Variants in NCAN observed in about 807,000 individuals in gnomAD.
NCAN encodes the protein neurocan, also known as neurocan core protein.
NCAN carries 47 observed loss-of-function variants against 121.8 expected under a neutral mutation model. The ratio of observed to expected loss-of-function variants is 0.39; its 90% CI spans 0.31 to 0.49. The LOEUF (loss-of-function observed/expected upper bound fraction) is 0.49. Ranked by LOEUF, NCAN falls within the 20% of genes least tolerant of loss-of-function variation. The probability of loss-of-function intolerance (pLI) is 0.92; values close to 1 mark genes in which losing one functional copy is unlikely to be tolerated. For missense variants in NCAN, 1,517 were observed against 1,773.4 expected (o/e 0.86, Z 2.60); for synonymous variants, 633 against 702.0 (o/e 0.90, Z 1.55).
At chr19:19,249,654 C>T (rs1203999537) in intron 14 of NCAN, 112 bp from the exon 15 acceptor site, 3 of 1,468,806 alleles carry the variant, frequency 2.0e-6, no homozygotes, top group Non-Finnish European at 2.7e-6. Flanking sequence ...GGGATGAGCC[C>T]TCGCGTCTGG....
intron 13 of NCAN, among the ~76,000 whole-genome samples, chr19:19,247,547 C>T (rs946305057): frequency 3.3e-5 from 5 of 152,040 alleles, no homozygotes; most frequent in South Asian, 2.1e-4. Context: ...GCCACCGCAC[C>T]CGGCCCTTAT....
intron 3 of NCAN, among the ~76,000 whole-genome samples, chr19:19,221,320 A>T (rs1396030580): frequency 6.6e-6 from 1 of 151,900 alleles, no homozygotes; most frequent in Non-Finnish European, 1.5e-5. Flanking sequence ...CGGGTGGATC[A>T]TGAGGTCAGG....
intron 11 of NCAN, among the ~76,000 whole-genome samples, chr19:19,239,311 C>T (rs977378085): frequency 2.6e-5 from 4 of 151,882 alleles, no homozygotes; most frequent in Non-Finnish European, 5.9e-5. Flanking sequence ...CACCTCCAGC[C>T]TACACTGAGG....
chr19:19,231,566 G>C (rs1190888328), intron 8 of NCAN, among the ~76,000 whole-genome samples: 3 of 152,014 alleles, frequency 2.0e-5, no homozygotes, highest in Non-Finnish European at 4.4e-5. Context: ...TGACTCAAGT[G>C]ATCTGCCCGC....
In NCAN at chr19:19,238,354, C is replaced by T. The variant is rs375854561; in HGVS notation, c.3352C>T (p.Arg1118Cys). 1.8e-4 allele frequency: 288 copies of T among 1,614,200 alleles called. No homozygotes were observed. In the Middle Eastern group the frequency reaches 2.3e-3, roughly 13 times the overall value. The change falls in exon 11 of 15, where the codon CGC becomes TGC. Residue 1118 changes from arginine to cysteine, a missense_variant. Transcript: ENST00000252575. ...GGAAGATGCCGAGAAGGACTGCCGC[C>T]GCCGCTCCGGCCACCTGACCAGCGT... ...AWEDAEKDCR[R>C]RSGHLTSVHS...
chr19:19,215,380 G>C (rs901258447), intron 1 of NCAN, among the ~76,000 whole-genome samples: 3 of 152,196 alleles, frequency 2.0e-5, no homozygotes, highest in Admixed American at 6.5e-5. Context: ...AGGTTTTGGG[G>C]AGGGACCACC....
intron 12 of NCAN, among the ~76,000 whole-genome samples, chr19:19,243,349 C>T (rs1260405973): frequency 1.3e-5 from 2 of 151,442 alleles, no homozygotes; most frequent in African/African-American, 4.9e-5. Context: ...AACCCTGTGT[C>T]TACTAAAAAT....
At chr19:19,247,223 T>C (rs2060927619) in intron 13 of NCAN, among the ~76,000 whole-genome samples, 1 of 152,062 alleles carries the variant, frequency 6.6e-6, no homozygotes, top group African/African-American at 2.4e-5. Context: ...GTAGCTGGAC[T>C]ACGGGTGCAC....
chr19:19,223,550 G>A (rs1478050537), intron 3 of NCAN, among the ~76,000 whole-genome samples: 1 of 151,924 alleles, frequency 6.6e-6, no homozygotes, highest in Non-Finnish European at 1.5e-5. Flanking sequence ...CCGGCTCACC[G>A]CAACCTCTGC....
Position 19,223,885 on chromosome 19 carries a change from C to G in NCAN, c.476-136C>G, listed in dbSNP as rs142200495. ...GGGCATATGGATCTTGCTCCCCACC[C>G]TCGACCCACACTGTGCCTGGCGCTA... On this transcript the variant is annotated intron_variant, in intron 3 of 14. Coordinates refer to ENST00000252575, the MANE Select transcript of NCAN (RefSeq NM_004386.3). 312 of 825,886 alleles carry G rather than the reference C, an allele frequency of 3.8e-4. 2 individuals carry two copies. Among genetic ancestry groups the G allele is most frequent in the South Asian group, 6.5e-4 (17 of 26,302 alleles). 51.2% of individuals were successfully genotyped at this position (825,886 alleles called of 1,614,324 possible).
chr19:19,224,467 G>T (rs763598899), intron 5 of NCAN, 34 bp downstream of exon 5: 3 of 1,602,006 alleles, frequency 1.9e-6, no homozygotes, highest in East Asian at 2.2e-5. Flanking sequence ...CGGCCCCTCC[G>T]CCTCTCTTTG....
At chr19:19,216,276 A>G (rs1022457921) in intron 1 of NCAN, among the ~76,000 whole-genome samples, 1 of 151,492 alleles carries the variant, frequency 6.6e-6, no homozygotes, top group Admixed American at 6.6e-5. Context: ...AGCCTCCTGC[A>G]TAGCTGGGAC....
intron 11 of NCAN, 133 bp downstream of exon 11, chr19:19,238,544 C>A: frequency 3.0e-6 from 3 of 1,009,226 alleles, no homozygotes; most frequent in Non-Finnish European, 4.5e-6. Flanking sequence ...TTCATTAACG[C>A]AAGCCCTGAC....
intron 3 of NCAN, 90 bp from the exon 4 acceptor site, chr19:19,223,931 G>T: frequency 7.5e-7 from 1 of 1,326,194 alleles, no homozygotes; most frequent in Admixed American, 2.5e-5. Context: ...TATCAGACAG[G>T]GGTGGGGAGT....
rs927188049 is a variant in NCAN at position 19,246,697 on chromosome 19, AT to A, written c.3637+1250del. Among the ~76,000 whole-genome samples the A allele has an allele frequency of 1.1e-4, 17 of 148,408 alleles. No homozygotes were observed. In the East Asian group the frequency reaches 1.6e-3, roughly 14 times the overall value. On this transcript the variant is annotated intron_variant, in intron 13 of 14. Coordinates refer to ENST00000252575, the MANE Select transcript of NCAN (RefSeq NM_004386.3). ...TACAGGCACACACCACACCTGGCTA[AT>A]TTTTTTTTTGTTTTTGTATTTTTAG...
At chr19:19,220,549 C>T (rs2060812922) in intron 3 of NCAN, among the ~76,000 whole-genome samples, 1 of 150,522 alleles carries the variant, frequency 6.6e-6, no homozygotes, top group East Asian at 2.0e-4. Context: ...GCTCTGCCTC[C>T]CGGGTTCACA....
intron 1 of NCAN, among the ~76,000 whole-genome samples, chr19:19,216,472 C>T (rs891406993): frequency 6.6e-6 from 1 of 152,074 alleles, no homozygotes; most frequent in Non-Finnish European, 1.5e-5. Context: ...CCACCACGCC[C>T]AGCTAATTTT....
intron 6 of NCAN, among the ~76,000 whole-genome samples, 160 bp from the exon 7 acceptor site, chr19:19,226,326 C>T (rs2060836683): frequency 6.6e-6 from 1 of 152,128 alleles, no homozygotes; most frequent in African/African-American, 2.4e-5. Context: ...AAATTTTGCA[C>T]TTCCCTCTCC....
intron 8 of NCAN, among the ~76,000 whole-genome samples, chr19:19,229,505 G>C (rs552842309): frequency 4.1e-4 from 63 of 152,280 alleles, no homozygotes; most frequent in African/African-American, 1.5e-3. Context: ...GTGGGTGCTG[G>C]GGAGCCATGC....
Sources: allele counts gnomAD v4.1 joint callset (sites outside exome capture counted in the v4.1 genomes callset), GRCh38; gene constraint gnomAD v4.1.1; transcripts MANE v1.5; gene names NCBI Gene and HGNC (gene_info 2026-07-23, HGNC 2026-07-21).